The following GAB2 variants were observed in gnomAD, a reference collection of about 807,000 sequenced individuals.
GAB2 encodes the protein GRB2-associated-binding protein 2.
Under a neutral mutation model 65.5 loss-of-function variants are expected in GAB2, and 26 were observed. The observed-to-expected ratio is 0.40, with a 90% CI of 0.29 to 0.55. The LOEUF is 0.55. Among genes scored for constraint, GAB2 ranks in the 20% least tolerant of loss-of-function variants. The probability of loss-of-function intolerance (pLI) is 0.53; values close to 1 mark genes in which losing one functional copy is unlikely to be tolerated. For missense variants in GAB2, 884 were observed against 875.8 expected (o/e 1.01, Z -0.12); for synonymous variants, 321 against 329.6 (o/e 0.97, Z 0.28).
chr11:78,400,247 T>C (rs1225323074), intron 1 of GAB2, among the ~76,000 whole-genome samples: 1 of 152,204 alleles, frequency 6.6e-6, no homozygotes, highest in Non-Finnish European at 1.5e-5. Context: ...CCTTATCTCT[T>C]GAGTCCAACT....
Position 78,226,620 on chromosome 11 carries a change from G to GGGCC in GAB2, c.1051_1052insGGCC (p.Pro351ArgfsTer28). On this transcript the variant is annotated frameshift_variant, in exon 4 of 10. Transcript: ENST00000361507. LOFTEE classifies it high-confidence loss of function. Reference sequence around the variant, plus strand: ...ACTTGGCTTGGGGGGGCGGGGTGGGGGAGCTATGGCTGAGTCCCCAGGAGT... The same window carrying GGGCC: ...ACTTGGCTTGGGGGGGCGGGGTGGGGGGCCGAGCTATGGCTGAGTCCCCAGGAGT... 6.7e-7 allele frequency: 1 copy of GGGCC among 1,500,584 alleles called. No homozygotes were observed. The highest frequency in any genetic ancestry group is 9.3e-7 in the Non-Finnish European group (1 of 1,079,044). 93.0% of individuals were successfully genotyped at this position (1,500,584 alleles called of 1,614,324 possible). A position where few individuals can be genotyped will look rare whatever the true frequency, so the allele number is the denominator to read the frequency against.
chr11:78,258,992 ATAGT>A (rs1317925498), intron 2 of GAB2, among the ~76,000 whole-genome samples: 4 of 151,882 alleles, frequency 2.6e-5, no homozygotes, highest in Non-Finnish European at 5.9e-5. Flanking sequence ...CTAGTACCCA[ATAGT>A]TATTTTTTTT....
At chr11:78,322,987 T>G (rs1396729180) in intron 1 of GAB2, among the ~76,000 whole-genome samples, 1 of 151,800 alleles carries the variant, frequency 6.6e-6, no homozygotes, top group Non-Finnish European at 1.5e-5. Context: ...CAAAGGAAAA[T>G]AAATTATTCT....
intron 1 of GAB2, among the ~76,000 whole-genome samples, chr11:78,342,534 G>C (rs555432442): frequency 6.7e-6 from 1 of 148,394 alleles, no homozygotes; most frequent in Non-Finnish European, 1.5e-5. Context: ...TCAGTCTCCC[G>C]AGTAGCTGGG....
chr11:78,304,119 T>C (rs960515277), intron 1 of GAB2, among the ~76,000 whole-genome samples: 2 of 152,118 alleles, frequency 1.3e-5, no homozygotes, highest in South Asian at 2.1e-4. Flanking sequence ...AGTTTTGATA[T>C]GTGTGTCTTT....
intron 1 of GAB2, among the ~76,000 whole-genome samples, chr11:78,375,896 A>C (rs1856625944): frequency 6.6e-6 from 1 of 152,158 alleles, no homozygotes; most frequent in Non-Finnish European, 1.5e-5. Flanking sequence ...TGCCTGCCAG[A>C]TGTGCTCAGA....
intron 1 of GAB2, among the ~76,000 whole-genome samples, chr11:78,359,806 GTA>G (rs1167411983): frequency 6.6e-6 from 1 of 152,206 alleles, no homozygotes; most frequent in Non-Finnish European, 1.5e-5. Context: ...GAAGAAGGGT[GTA>G]GTGCGTTGAA....
chr11:78,341,141 A>G (rs1856086643), intron 1 of GAB2, among the ~76,000 whole-genome samples: 1 of 152,200 alleles, frequency 6.6e-6, no homozygotes, highest in Non-Finnish European at 1.5e-5. Context: ...GTACCCCATG[A>G]CTTTATTCTT....
At chr11:78,367,885 C>T (rs1298951230) in intron 1 of GAB2, among the ~76,000 whole-genome samples, 1 of 138,952 alleles carries the variant, frequency 7.2e-6, no homozygotes, top group Non-Finnish European at 1.5e-5. Flanking sequence ...GGCGCTATCT[C>T]TGCTCACTGC....
chr11:78,315,717 G>A (rs1855589363), intron 1 of GAB2, among the ~76,000 whole-genome samples: 1 of 152,164 alleles, frequency 6.6e-6, no homozygotes, highest in South Asian at 2.1e-4. Context: ...AATCAACCAA[G>A]TGAAAAGACA....
At chr11:78,408,207 T>TA (rs56854197) in intron 1 of GAB2, among the ~76,000 whole-genome samples, 11 of 152,162 alleles carry the variant, frequency 7.2e-5, no homozygotes, top group East Asian at 3.9e-4. Context: ...CTGTCTGATA[T>TA]AAAAAAAATA....
At chr11:78,334,538 T>G (rs1855967097) in intron 1 of GAB2, among the ~76,000 whole-genome samples, 1 of 152,250 alleles carries the variant, frequency 6.6e-6, no homozygotes, top group African/African-American at 2.4e-5. Flanking sequence ...CTTATTTCAC[T>G]TAACATAATG....
chr11:78,257,335 C>T (rs759471745), intron 2 of GAB2, among the ~76,000 whole-genome samples: 4 of 152,286 alleles, frequency 2.6e-5, no homozygotes, highest in Non-Finnish European at 5.9e-5. Flanking sequence ...AATTTATCCC[C>T]ACCCTCAAGC....
At chr11:78,301,331 TTTTTTG>T (rs1194359730) in intron 1 of GAB2, among the ~76,000 whole-genome samples, 5 of 118,464 alleles carry the variant, frequency 4.2e-5, no homozygotes, top group African/African-American at 2.0e-4. Context: ...TATCTTGTGG[TTTTTTG>T]TTTTTTTTTT....
In GAB2 at chr11:78,243,982, A is replaced by G. The variant is rs1357068324; in HGVS notation, c.620+6175T>C. ...AGAAATAGAAAATCTGAACAGACTA[A>G]TTATGAGTAATGAGATGGAATTTGC... On this transcript the variant is annotated intron_variant, in intron 3 of 9. Transcript: ENST00000361507. 2.0e-5 allele frequency among the ~76,000 whole-genome samples: 3 copies of G among 152,214 alleles called. No homozygotes were observed. The East Asian group carries it at 5.8e-4, about 29-fold the overall frequency.
chr11:78,349,210 C>A (rs1329803305), intron 1 of GAB2, among the ~76,000 whole-genome samples: 3 of 152,126 alleles, frequency 2.0e-5, no homozygotes, highest in Admixed American at 2.0e-4. Flanking sequence ...AAAGTAATTT[C>A]CTTTGCCACT....
intron 2 of GAB2, among the ~76,000 whole-genome samples, chr11:78,265,994 A>C (rs1280341090): frequency 3.9e-5 from 6 of 151,992 alleles, no homozygotes; most frequent in Non-Finnish European, 7.4e-5. Context: ...GCAGGTGGAT[A>C]ACCTGAGGTC....
At chr11:78,274,347 C>A (rs977199051) in intron 2 of GAB2, among the ~76,000 whole-genome samples, 3 of 152,138 alleles carry the variant, frequency 2.0e-5, no homozygotes, top group African/African-American at 7.2e-5. Flanking sequence ...TTGAAAGAGG[C>A]TCCACATATG....
At chr11:78,242,687 A>T (rs1180400043) in intron 3 of GAB2, among the ~76,000 whole-genome samples, 1 of 152,238 alleles carries the variant, frequency 6.6e-6, no homozygotes, top group Non-Finnish European at 1.5e-5. Context: ...ATGCATCTCA[A>T]GGAAGCAGAA....
Sources: gnomAD v4.1 joint callset for allele counts (sites outside exome capture counted in the v4.1 genomes callset) on GRCh38, gnomAD v4.1.1 for gene constraint, MANE v1.5 for transcripts, NCBI Gene and HGNC (gene_info 2026-07-23, HGNC 2026-07-21) for gene names.